Variants in OCA2 observed in about 807,000 individuals in gnomAD.
The protein encoded by OCA2 is OCA2 melanosomal transmembrane protein.
A neutral mutation model predicts 100.2 loss-of-function variants in OCA2; 77 were observed. That is an observed-to-expected ratio of 0.77 (90% CI 0.64 to 0.93). The LOEUF is 0.93. OCA2 is among the 40% of genes least tolerant of loss of function. The probability of loss-of-function intolerance (pLI) is 0.00; values close to 1 mark genes in which losing one functional copy is unlikely to be tolerated. For synonymous variants in OCA2, 432 were observed against 439.2 expected (o/e 0.98, Z 0.21); for missense variants, 1,062 against 1,089.1 (o/e 0.98, Z 0.35).
At chr15:27,786,716 T>C (rs1271845569) in intron 23 of OCA2, among the ~76,000 whole-genome samples, 1 of 152,166 alleles carries the variant, frequency 6.6e-6, no homozygotes, top group African/African-American at 2.4e-5. Flanking sequence ...TAGAATTTTC[T>C]ATATACAGGA....
intron 18 of OCA2, among the ~76,000 whole-genome samples, chr15:27,951,506 A>G (rs2040025690): frequency 6.6e-6 from 1 of 152,162 alleles, no homozygotes; most frequent in African/African-American, 2.4e-5. Flanking sequence ...TGCCCACTCT[A>G]TATTCCTCCT....
At chr15:27,827,255 G>T (rs1350022127) in intron 23 of OCA2, among the ~76,000 whole-genome samples, 1 of 152,190 alleles carries the variant, frequency 6.6e-6, no homozygotes, top group Non-Finnish European at 1.5e-5. Flanking sequence ...CAACGCGAGA[G>T]GGGCTGACAG....
chr15:27,922,010 A>G (rs937254749), intron 19 of OCA2, among the ~76,000 whole-genome samples: 4 of 152,278 alleles, frequency 2.6e-5, no homozygotes, highest in African/African-American at 2.4e-5. Context: ...AAATGTTATT[A>G]AGACAATCAT....
chr15:27,743,413 A>C, the OCA2 span, among the ~76,000 whole-genome samples: 3 of 152,184 alleles, frequency 2.0e-5, no homozygotes, highest in African/African-American at 7.2e-5. Flanking sequence ...ATCCAACAAA[A>C]CAGCATGCTT....
At chr15:27,975,799 G>C (rs2040946461) in intron 14 of OCA2, among the ~76,000 whole-genome samples, 1 of 152,074 alleles carries the variant, frequency 6.6e-6, no homozygotes, top group South Asian at 2.1e-4. Flanking sequence ...GAATCAGCTT[G>C]TCAATTTCTA....
intron 23 of OCA2, among the ~76,000 whole-genome samples, chr15:27,761,701 T>C (rs567480440): frequency 1.3e-5 from 2 of 152,292 alleles, no homozygotes; most frequent in South Asian, 2.1e-4. Context: ...AGACCCTCTC[T>C]ATCCAACATG....
At chr15:27,848,019 C>T (rs1237600893) in intron 22 of OCA2, among the ~76,000 whole-genome samples, 1 of 152,244 alleles carries the variant, frequency 6.6e-6, no homozygotes, top group Non-Finnish European at 1.5e-5. Flanking sequence ...ATCTCCTCAC[C>T]ACGCATCCAG....
chr15:27,767,436 A>C (rs1459516190), intron 23 of OCA2, among the ~76,000 whole-genome samples: 1 of 152,206 alleles, frequency 6.6e-6, no homozygotes, highest in Non-Finnish European at 1.5e-5. Flanking sequence ...TTTTCTGTCT[A>C]ACTAGAGGAT....
At chr15:27,865,278 A>G (rs896934991) in intron 21 of OCA2, among the ~76,000 whole-genome samples, 2 of 152,156 alleles carry the variant, frequency 1.3e-5, no homozygotes, top group Admixed American at 1.3e-4. Context: ...AGTGGCCTGC[A>G]TTCATGTCAC....
At chr15:28,010,310 C>T (rs2141192783) in intron 9 of OCA2, among the ~76,000 whole-genome samples, 1 of 152,286 alleles carries the variant, frequency 6.6e-6, no homozygotes, top group African/African-American at 2.4e-5. Flanking sequence ...TGAATGCTTT[C>T]CCTTTAAGAT....
chr15:27,738,536 C>T, the OCA2 span, among the ~76,000 whole-genome samples: 1 of 152,118 alleles, frequency 6.6e-6, no homozygotes, highest in Non-Finnish European at 1.5e-5. Flanking sequence ...GAGATCGAGA[C>T]CATCCTGGCT....
chr15:27,911,502 T>C (rs1315794569), intron 19 of OCA2, among the ~76,000 whole-genome samples: 1 of 152,218 alleles, frequency 6.6e-6, no homozygotes, highest in Non-Finnish European at 1.5e-5. Flanking sequence ...CACCAGCATC[T>C]GCATCTGACG....
chr15:28,018,637 T>C lies in OCA2; in HGVS notation c.647-80A>G, dbSNP rs960139651. 45 of 1,324,044 alleles carry C rather than the reference T, an allele frequency of 3.4e-5. No individual in the cohort carries two copies. The African/African-American group carries it at 6.1e-4, about 18-fold the overall frequency. The allele number at this position is 1,324,044 out of a possible 1,614,324, so 82.0% of individuals were successfully genotyped here. On this transcript the variant is annotated intron_variant, in intron 6 of 23. Transcript: ENST00000354638. ...GCCGCCCGCCAGACGCACACCCTCC[T>C]CTGACAGTGTGTGAAGAAATGCGTT...
chr15:27,837,525 C>T (rs1229326602), intron 23 of OCA2, among the ~76,000 whole-genome samples: 1 of 152,090 alleles, frequency 6.6e-6, no homozygotes, highest in Non-Finnish European at 1.5e-5. Flanking sequence ...CTGCCCCACA[C>T]CCTTGCAAGG....
chr15:27,909,764 A>G (rs2038315682), intron 19 of OCA2, among the ~76,000 whole-genome samples: 1 of 152,236 alleles, frequency 6.6e-6, no homozygotes, highest in South Asian at 2.1e-4. Flanking sequence ...CAAATGTATT[A>G]GAGATTTAAA....
At chr15:28,055,521 T>C (rs2043664620) in intron 2 of OCA2, among the ~76,000 whole-genome samples, 1 of 152,204 alleles carries the variant, frequency 6.6e-6, no homozygotes, top group Admixed American at 6.5e-5. Flanking sequence ...TCCATGGAAG[T>C]GTGCTCCTAG....
intron 14 of OCA2, among the ~76,000 whole-genome samples, chr15:27,974,326 G>A (rs1216123300): frequency 6.6e-6 from 1 of 152,188 alleles, no homozygotes; most frequent in Non-Finnish European, 1.5e-5. Flanking sequence ...TGCACATCAT[G>A]TGAGGCAAAT....
At chr15:27,904,241 G>A (rs1174679443) in intron 19 of OCA2, among the ~76,000 whole-genome samples, 1 of 152,176 alleles carries the variant, frequency 6.6e-6, no homozygotes, top group African/African-American at 2.4e-5. Flanking sequence ...CCCAGCCCCA[G>A]GAGGACCAGA....
intron 23 of OCA2, among the ~76,000 whole-genome samples, chr15:27,786,412 G>A (rs1041185075): frequency 5.3e-5 from 8 of 152,148 alleles, no homozygotes; most frequent in Admixed American, 3.9e-4. Flanking sequence ...TATGAACTGA[G>A]TCTTGAATAT....
Sources: allele counts gnomAD v4.1 joint callset (sites outside exome capture counted in the v4.1 genomes callset), GRCh38; gene constraint gnomAD v4.1.1; transcripts MANE v1.5; gene names NCBI Gene and HGNC (gene_info 2026-07-23, HGNC 2026-07-21).